ADARB2: variants seen among roughly 807,000 people sequenced by gnomAD.
The protein encoded by ADARB2 is inactive double-stranded RNA-specific editase B2.
In ADARB2, 25 loss-of-function variants were observed where a neutral mutation model predicts 62.2. The observed-to-expected ratio is 0.40, with a 90% CI of 0.29 to 0.56. The LOEUF is 0.56. Among genes scored for constraint, ADARB2 ranks in the 20% least tolerant of loss-of-function variants. ADARB2 has a pLI of 0.43. For missense variants in ADARB2, 1,071 were observed against 1,077.4 expected (o/e 0.99, Z 0.08); for synonymous variants, 572 against 500.8 (o/e 1.14, Z -1.90).
In ADARB2 at chr10:1,704,792, T is replaced by C. The variant is rs984031803; in HGVS notation, c.100+32259A>G. ...AGAATGATAAAAAAGCTAGTGTGGG[T>C]CAAGATGTTAAAGGGGCAGGGAGTA... is the stretch of plus-strand genomic sequence containing the variant. On this transcript the variant is annotated intron_variant, in intron 1 of 9. Transcript: ENST00000381312. The surrounding 1 kb of genome is among the most constrained non-coding windows in gnomAD (Gnocchi z 5.6). Among the ~76,000 whole-genome samples, 1 of 152,110 alleles carries C rather than the reference T, an allele frequency of 6.6e-6. No homozygotes were observed. The highest frequency in any genetic ancestry group is 2.4e-5 in the African/African-American group (1 of 41,414).
chr10:1,418,455 A>G (rs1008955166), intron 1 of ADARB2, among the ~76,000 whole-genome samples: 13 of 152,188 alleles, frequency 8.5e-5, no homozygotes, highest in Admixed American at 3.3e-4. Flanking sequence ...TTCTGGCTAG[A>G]GGCAGACGAG....
intron 1 of ADARB2, among the ~76,000 whole-genome samples, chr10:1,403,789 C>T (rs1832684617): frequency 6.6e-6 from 1 of 152,222 alleles, no homozygotes; most frequent in Admixed American, 6.5e-5. Context: ...AGGCACGTCC[C>T]TCCCAGTCTC....
chr10:1,679,774 G>A (rs939561346), intron 1 of ADARB2, among the ~76,000 whole-genome samples: 1 of 152,202 alleles, frequency 6.6e-6, no homozygotes, highest in African/African-American at 2.4e-5. Flanking sequence ...ATGTTCCAAC[G>A]ACTGGATCGC....
At chr10:1,581,966 A>T (rs529679833) in intron 1 of ADARB2, among the ~76,000 whole-genome samples, 1 of 152,204 alleles carries the variant, frequency 6.6e-6, no homozygotes, top group East Asian at 1.9e-4. Context: ...CCTCCCCCAG[A>T]GGCCACTTCC....
chr10:1,684,365 A>G (rs1834575544), intron 1 of ADARB2, among the ~76,000 whole-genome samples: 1 of 152,246 alleles, frequency 6.6e-6, no homozygotes, highest in African/African-American at 2.4e-5. Context: ...GAAACATAGA[A>G]TGTGAAGTGT....
intron 1 of ADARB2, among the ~76,000 whole-genome samples, chr10:1,462,288 A>G (rs1353077519): frequency 6.6e-6 from 1 of 152,200 alleles, no homozygotes; most frequent in Non-Finnish European, 1.5e-5. Context: ...CTCTTGGCCA[A>G]GTGTCCCCAG....
At chr10:1,442,272 T>C (rs188199511) in intron 1 of ADARB2, among the ~76,000 whole-genome samples, 36 of 152,336 alleles carry the variant, frequency 2.4e-4, no homozygotes, top group Admixed American at 6.5e-4. Context: ...GTAGGTGTGG[T>C]TTCCTAATGT....
Position 1,405,981 on chromosome 10 carries a change from C to T in ADARB2, c.101-26821G>A, listed in dbSNP as rs1208469224. ...TATTAAACCCTTCTCCAAGGTACAC[C>T]CATTTCTTAAATCCTTCCCCTGGAT... On this transcript the variant is annotated intron_variant, in intron 1 of 9. Coordinates refer to ENST00000381312, the MANE Select transcript of ADARB2 (RefSeq NM_018702.4). Among the ~76,000 whole-genome samples, 4 of 152,006 alleles carry T rather than the reference C, an allele frequency of 2.6e-5. No individual in the cohort carries two copies. In the East Asian group the frequency reaches 5.8e-4, roughly 22 times the overall value.
chr10:1,594,824 G>C (rs936063701), intron 1 of ADARB2, among the ~76,000 whole-genome samples: 2 of 152,142 alleles, frequency 1.3e-5, no homozygotes, highest in African/African-American at 4.8e-5. Context: ...TGCACAATCC[G>C]GGCTCCCTTC....
intron 1 of ADARB2, among the ~76,000 whole-genome samples, chr10:1,416,924 G>T (rs1301467870): frequency 6.6e-6 from 1 of 152,222 alleles, no homozygotes. Context: ...GGTGCAGCAC[G>T]GGTCCCCCTG....
intron 3 of ADARB2, among the ~76,000 whole-genome samples, chr10:1,346,878 T>A (rs1832085812): frequency 6.6e-6 from 1 of 152,260 alleles, no homozygotes; most frequent in Admixed American, 6.5e-5. Flanking sequence ...AGCTCCAGTT[T>A]TGGGCAAAAT....
At chr10:1,624,559 C>T (rs2132028722) in intron 1 of ADARB2, among the ~76,000 whole-genome samples, 1 of 152,318 alleles carries the variant, frequency 6.6e-6, no homozygotes, top group Admixed American at 6.5e-5. Flanking sequence ...TCTATAATCA[C>T]AAACTGAGCG....
chr10:1,271,053 A>G lies in ADARB2; in HGVS notation c.1094T>C (p.Ile365Thr). ...GAACTTCTGTGTGACCAGCTGGGAT[A>G]TGGAGTCTGCGAATTCCTGAAAGAC... ...TPMPQEFADS[I>T]SQLVTQKFRE... The change falls in exon 4 of 10, where the codon ATA becomes ACA. Residue 365 changes from isoleucine (I) to threonine (T), a missense_variant. Coordinates refer to ENST00000381312, the MANE Select transcript of ADARB2 (RefSeq NM_018702.4). 6.2e-7 allele frequency: 1 copy of G among 1,614,018 alleles called. No individual in the cohort carries two copies. The highest frequency in any genetic ancestry group is 8.5e-7 in the Non-Finnish European group (1 of 1,179,992).
At chr10:1,358,501 C>CT (rs1832217910) in intron 3 of ADARB2, among the ~76,000 whole-genome samples, 1 of 152,214 alleles carries the variant, frequency 6.6e-6, no homozygotes, top group Non-Finnish European at 1.5e-5. Context: ...ACACCTGGTT[C>CT]TAGTGCCTTT....
chr10:1,696,264 G>A (rs1296214693), intron 1 of ADARB2, among the ~76,000 whole-genome samples: 1 of 126,068 alleles, frequency 7.9e-6, no homozygotes, highest in Non-Finnish European at 1.7e-5. Flanking sequence ...CATTGTGTAT[G>A]TGCCTGTTTG....
chr10:1,642,911 CCTCT>C (rs1172261680), intron 1 of ADARB2, among the ~76,000 whole-genome samples: 1 of 152,208 alleles, frequency 6.6e-6, no homozygotes, highest in African/African-American at 2.4e-5. Flanking sequence ...CACACTGACC[CCTCT>C]AAGTCTAGGA....
chr10:1,579,070 C>G (rs185724998), intron 1 of ADARB2, among the ~76,000 whole-genome samples: 2 of 152,178 alleles, frequency 1.3e-5, no homozygotes, highest in African/African-American at 2.4e-5. Flanking sequence ...GCCCCAGGTG[C>G]CCACACTGCC....
chr10:1,201,977 C>G lies in ADARB2; in HGVS notation c.1683-1830G>C, dbSNP rs1187136780. On this transcript the variant is annotated intron_variant, in intron 7 of 9. Coordinates refer to ENST00000381312, the MANE Select transcript of ADARB2 (RefSeq NM_018702.4). Reference sequence around the variant, plus strand: ...TGTCTCCCTGGATCTTGGATGGTGGCTCTTCAGAGTCAATCTTTTCCTTGA... The same window carrying G: ...TGTCTCCCTGGATCTTGGATGGTGGGTCTTCAGAGTCAATCTTTTCCTTGA... 7.2e-5 allele frequency among the ~76,000 whole-genome samples: 11 copies of G among 152,280 alleles called. No homozygotes were observed. In the East Asian group the frequency reaches 2.1e-3, roughly 29 times the overall value.
chr10:1,721,720 G>A (rs1401966693), intron 1 of ADARB2, among the ~76,000 whole-genome samples: 3 of 152,196 alleles, frequency 2.0e-5, no homozygotes, highest in Non-Finnish European at 4.4e-5. Context: ...TCTCAATGAT[G>A]TGTCTGTTCT....
Sources: gnomAD v4.1 joint callset for allele counts (sites outside exome capture counted in the v4.1 genomes callset) on GRCh38, gnomAD v4.1.1 for gene constraint, Gnocchi (gnomAD v3.1) non-coding constraint, MANE v1.5 for transcripts, NCBI Gene and HGNC (gene_info 2026-07-23, HGNC 2026-07-21) for gene names.